Variants in TBC1D16 observed in about 807,000 individuals in gnomAD.
The protein encoded by TBC1D16 is TBC1 domain family member 16.
TBC1D16 carries 58 observed loss-of-function variants against 74.7 expected under a neutral mutation model. That is an observed-to-expected ratio of 0.78 (90% confidence interval 0.63 to 0.97). The LOEUF (loss-of-function observed/expected upper bound fraction) is 0.97. Ranked by LOEUF, TBC1D16 falls within the 50% of genes least tolerant of loss-of-function variation. The pLI is 0.00. For synonymous variants in TBC1D16, 493 were observed against 474.7 expected (o/e 1.04, Z -0.50); for missense variants, 1,014 against 1,079.5 (o/e 0.94, Z 0.85).
chr17:80,021,047 G>A (rs1208443667), intron 1 of TBC1D16, among the ~76,000 whole-genome samples: 1 of 150,006 alleles, frequency 6.7e-6, no homozygotes, highest in African/African-American at 2.5e-5. Flanking sequence ...GAGGTCGGGA[G>A]TTCGACACCA....
intron 1 of TBC1D16, among the ~76,000 whole-genome samples, chr17:80,023,661 C>A (rs949301127): frequency 2.8e-5 from 4 of 144,280 alleles, no homozygotes; most frequent in East Asian, 2.0e-4. Flanking sequence ...TGCCGGGCCC[C>A]CCCCCACCGG....
chr17:80,024,592 CCACACACCATAGACA>C (rs2036466685), intron 1 of TBC1D16, among the ~76,000 whole-genome samples: 3 of 115,992 alleles, frequency 2.6e-5, no homozygotes, highest in East Asian at 2.6e-4. Context: ...ACACCACACA[CCACACACCATAGACA>C]CACACACCAC....
rs377598248 is a variant in TBC1D16, at chr17:80,020,809, G to A, written c.-62-7200C>T. On this transcript the variant is annotated intron_variant, in intron 1 of 11. Coordinates refer to ENST00000310924, the MANE Select transcript of TBC1D16 (RefSeq NM_019020.4). The stretch of plus-strand genomic sequence containing the variant: ...ACTCGTATTGCCCAGTGGGTTCCCC[G>A]AAATGTAAGAGTGCTGCCAGGGATT... Among the ~76,000 whole-genome samples the A allele has an allele frequency of 1.0e-3, 154 of 149,976 alleles. 13 individuals carry two copies. The highest frequency in any genetic ancestry group is 2.4e-3 in the African/African-American group (96 of 39,412).
At chr17:80,017,608 G>C (rs544624213) in intron 1 of TBC1D16, among the ~76,000 whole-genome samples, 44 of 151,534 alleles carry the variant, frequency 2.9e-4, no homozygotes, top group Non-Finnish European at 1.6e-4. Context: ...TTGAACCCAG[G>C]GGGCAGAGGT....
chr17:80,024,168 C>G (rs2036399943), intron 1 of TBC1D16, among the ~76,000 whole-genome samples: 1 of 150,130 alleles, frequency 6.7e-6, no homozygotes, highest in African/African-American at 2.5e-5. Flanking sequence ...AACCAGAGGC[C>G]CCACTTCAGC....
chr17:79,969,900 C>G (rs2034007315), intron 3 of TBC1D16, among the ~76,000 whole-genome samples: 1 of 152,162 alleles, frequency 6.6e-6, no homozygotes, highest in African/African-American at 2.4e-5. Flanking sequence ...CGAGATCACG[C>G]CATTGCACTG....
At chr17:79,942,908 ACG>A (rs539968533) in intron 10 of TBC1D16, among the ~76,000 whole-genome samples, 183 of 152,360 alleles carry the variant, frequency 1.2e-3, no homozygotes, top group African/African-American at 4.2e-3. Flanking sequence ...CCTGCCAGCA[ACG>A]CGCTGTGTGC....
Position 79,942,614 on chromosome 17 carries a change from G to A in TBC1D16, c.1909-408C>T, listed in dbSNP as rs549954780. Among the ~76,000 whole-genome samples, 9 of 152,234 alleles carry A rather than the reference G, an allele frequency of 5.9e-5. No individual in the cohort carries two copies. In the South Asian group the frequency reaches 8.3e-4, roughly 14 times the overall value. ...CTCATTTGTAATGGTCCTGAGCAACGGTGTGTGCGGAAGTCTGGGTCAGAA... is the reference window on the plus strand; with the variant it reads ...CTCATTTGTAATGGTCCTGAGCAACAGTGTGTGCGGAAGTCTGGGTCAGAA... On this transcript the variant is annotated intron_variant, in intron 10 of 11. Coordinates refer to ENST00000310924, the MANE Select transcript of TBC1D16 (RefSeq NM_019020.4).
At chr17:80,006,289 C>T (rs2035677545) in intron 3 of TBC1D16, among the ~76,000 whole-genome samples, 1 of 152,134 alleles carries the variant, frequency 6.6e-6, no homozygotes, top group Non-Finnish European at 1.5e-5. Context: ...ACGTGCACTT[C>T]AGAAACCCCC....
intron 1 of TBC1D16, among the ~76,000 whole-genome samples, chr17:80,027,295 T>G (rs1220086242): frequency 2.0e-5 from 3 of 151,994 alleles, no homozygotes; most frequent in African/African-American, 7.3e-5. Flanking sequence ...AAACCCCGTC[T>G]CTACAAAAAA....
At chr17:79,951,379 G>A (rs1411307153) in intron 5 of TBC1D16, 71 bp downstream of exon 5, 1 of 1,560,422 alleles carries the variant, frequency 6.4e-7, no homozygotes, top group East Asian at 2.3e-5. Context: ...CAGGACCCAG[G>A]AGGGAGATGG....
intron 3 of TBC1D16, among the ~76,000 whole-genome samples, chr17:79,977,106 C>T (rs1294702162): frequency 1.3e-5 from 2 of 152,194 alleles, no homozygotes; most frequent in African/African-American, 2.4e-5. Context: ...TTCAGTGATC[C>T]GTCCACCAGA....
At chr17:79,949,889 G>C in intron 6 of TBC1D16, 24 bp from the exon 7 acceptor site, 1 of 1,606,900 alleles carries the variant, frequency 6.2e-7, no homozygotes, top group Non-Finnish European at 8.5e-7. Flanking sequence ...CAAAAGTTGG[G>C]GAGGGGATAA....
intron 3 of TBC1D16, among the ~76,000 whole-genome samples, chr17:80,003,750 C>T (rs114993812): frequency 2.0e-3 from 312 of 152,310 alleles, no homozygotes; most frequent in South Asian, 9.1e-3. Context: ...CAGGCGCTAT[C>T]CACATTTATA....
Position 79,987,593 on chromosome 17 carries a change from A to G in TBC1D16, c.779+22567T>C, listed in dbSNP as rs1315294505. Among the ~76,000 whole-genome samples, 1 of 152,118 alleles carries G rather than the reference A, an allele frequency of 6.6e-6. No individual in the cohort carries two copies. The highest frequency in any genetic ancestry group is 1.5e-5 in the Non-Finnish European group (1 of 68,016). On this transcript the variant is annotated intron_variant, in intron 3 of 11. Coordinates refer to ENST00000310924, the MANE Select transcript of TBC1D16 (RefSeq NM_019020.4). The surrounding 1 kb of genome is among the most constrained non-coding windows in gnomAD (Gnocchi z 5.2). ...AGGTACAGAAGTTTGCCTGGTGACC[A>G]GGAGTCATGACTCTTTCCGAATGAA...
At chr17:79,999,673 G>A (rs573996648) in intron 3 of TBC1D16, among the ~76,000 whole-genome samples, 1 of 148,702 alleles carries the variant, frequency 6.7e-6, no homozygotes, top group African/African-American at 2.5e-5. Flanking sequence ...CTCCCGAGTA[G>A]CTGGAATTAC....
chr17:80,033,458 G>A (rs1428281336), intron 1 of TBC1D16, among the ~76,000 whole-genome samples: 1 of 151,768 alleles, frequency 6.6e-6, no homozygotes, highest in Non-Finnish European at 1.5e-5. Flanking sequence ...CTGCAGCCCT[G>A]ACCTCCCGGG....
chr17:80,013,463 A>T lies in TBC1D16; in HGVS notation c.85T>A (p.Ser29Thr). The change falls in exon 2 of 12, where the codon TCC becomes ACC. Residue 29 changes from serine to threonine, a missense_variant. Ser to Thr is a moderately conservative substitution (Grantham distance 58). Transcript: ENST00000310924. ...TLTPGGSGSGSPSVLDGEIIY... is the reference protein window; with the variant it reads ...TLTPGGSGSGTPSVLDGEIIY... Reference sequence around the variant, plus strand: ...ATCTCTCCATCCAGGACAGAGGGGGACCCGCTGCCGCTGCCACCGGGGGTG... The same window carrying T: ...ATCTCTCCATCCAGGACAGAGGGGGTCCCGCTGCCGCTGCCACCGGGGGTG... The T allele has an allele frequency of 4.4e-6, 7 of 1,597,692 alleles. No individual in the cohort carries two copies. The highest frequency in any genetic ancestry group is 6.0e-6 in the Non-Finnish European group (7 of 1,173,036).
At chr17:79,966,594 C>T (rs2033855336) in intron 3 of TBC1D16, among the ~76,000 whole-genome samples, 1 of 152,202 alleles carries the variant, frequency 6.6e-6, no homozygotes, top group Non-Finnish European at 1.5e-5. Flanking sequence ...CCCAGGGAAG[C>T]CACTAAGCAA....
Sources: allele counts gnomAD v4.1 joint callset (sites outside exome capture counted in the v4.1 genomes callset), GRCh38; gene constraint gnomAD v4.1.1; non-coding constraint Gnocchi (gnomAD v3.1); transcripts MANE v1.5; gene names NCBI Gene and HGNC (gene_info 2026-07-23, HGNC 2026-07-21).